CSMD1: variants seen among roughly 807,000 people sequenced by gnomAD.
The protein encoded by CSMD1 is CUB and Sushi multiple domains 1.
In CSMD1, 213 loss-of-function variants were observed where a neutral mutation model predicts 417.5. The ratio of observed to expected loss-of-function variants is 0.51; its 90% CI spans 0.46 to 0.57. The LOEUF is 0.57. Ranked by LOEUF, CSMD1 falls within the 20% of genes least tolerant of loss-of-function variation. CSMD1 has a pLI of 0.00. For missense variants in CSMD1, 6,923 were observed against 4,529.7 expected (o/e 1.53, Z -15.17); for synonymous variants, 2,862 against 1,736.8 (o/e 1.65, Z -16.11).
intron 2 of CSMD1, among the ~76,000 whole-genome samples, chr8:4,576,436 A>G (rs1471204856): frequency 6.6e-6 from 1 of 152,174 alleles, no homozygotes; most frequent in Non-Finnish European, 1.5e-5. Context: ...ATCCTCTTAC[A>G]GTTTTTCCTT....
intron 3 of CSMD1, among the ~76,000 whole-genome samples, chr8:4,401,204 G>T (rs1017370748): frequency 4.6e-5 from 7 of 152,026 alleles, no homozygotes; most frequent in Non-Finnish European, 8.8e-5. Context: ...TCTTCAAACG[G>T]TTTCTGAAAT....
chr8:4,369,432 A>G (rs559205820), intron 3 of CSMD1, among the ~76,000 whole-genome samples: 47 of 152,208 alleles, frequency 3.1e-4, no homozygotes, highest in Non-Finnish European at 4.7e-4. Flanking sequence ...TGTTGGGTGG[A>G]GTGTTTTATA....
chr8:4,955,440 C>T (rs1809030257), intron 1 of CSMD1, among the ~76,000 whole-genome samples: 1 of 148,686 alleles, frequency 6.7e-6, no homozygotes, highest in Non-Finnish European at 1.5e-5. Context: ...CTACTTCGAC[C>T]GCAACTCTCA....
intron 3 of CSMD1, among the ~76,000 whole-genome samples, chr8:4,275,097 G>A (rs547427668): frequency 7.9e-5 from 12 of 152,234 alleles, no homozygotes; most frequent in African/African-American, 2.2e-4. Context: ...AAAAACAAAT[G>A]AAAGCCCTTG....
intron 1 of CSMD1, among the ~76,000 whole-genome samples, chr8:4,812,097 G>C (rs779630403): frequency 7.8e-4 from 119 of 152,152 alleles, no homozygotes; most frequent in Non-Finnish European, 9.8e-4. Context: ...TTCCTACGCA[G>C]CTGGACAGGA....
intron 3 of CSMD1, among the ~76,000 whole-genome samples, chr8:4,036,597 A>G (rs1349656804): frequency 6.6e-6 from 1 of 152,224 alleles, no homozygotes; most frequent in Non-Finnish European, 1.5e-5. Context: ...TTAATAGGGA[A>G]AAATTAAGGC....
intron 3 of CSMD1, among the ~76,000 whole-genome samples, chr8:4,370,208 G>C (rs147286377): frequency 3.3e-5 from 5 of 152,230 alleles, no homozygotes; most frequent in East Asian, 1.9e-4. Context: ...ATGAAGGTTA[G>C]TTTGGTGAGA....
chr8:4,498,140 A>G (rs1274436484), intron 2 of CSMD1, among the ~76,000 whole-genome samples: 1 of 152,140 alleles, frequency 6.6e-6, no homozygotes, highest in Non-Finnish European at 1.5e-5. Flanking sequence ...ACTTAAAGTA[A>G]CCTAATCGGG....
chr8:3,404,591 A>G (rs1209955445), intron 15 of CSMD1, among the ~76,000 whole-genome samples: 1 of 152,208 alleles, frequency 6.6e-6, no homozygotes, highest in South Asian at 2.1e-4. Context: ...GATATTTAAC[A>G]TATATTCCTG....
At chr8:3,646,872 C>T (rs150169256) in intron 7 of CSMD1, among the ~76,000 whole-genome samples, 4 of 152,120 alleles carry the variant, frequency 2.6e-5, no homozygotes, top group Non-Finnish European at 4.4e-5. Flanking sequence ...TTGGGTCACA[C>T]GAGCCTGTTC....
At chr8:3,498,909 T>C (rs1796476532) in intron 10 of CSMD1, among the ~76,000 whole-genome samples, 1 of 152,148 alleles carries the variant, frequency 6.6e-6, no homozygotes. Flanking sequence ...TCCTACTTTT[T>C]GAATTGTCTA....
chr8:3,026,600 T>A (rs1809948820), intron 51 of CSMD1, among the ~76,000 whole-genome samples: 1 of 152,050 alleles, frequency 6.6e-6, no homozygotes, highest in Non-Finnish European at 1.5e-5. Flanking sequence ...TGGGCCTCAC[T>A]GGACCTCACT....
chr8:3,319,951 T>A (rs1206094267), intron 23 of CSMD1, among the ~76,000 whole-genome samples: 1 of 152,216 alleles, frequency 6.6e-6, no homozygotes, highest in Non-Finnish European at 1.5e-5. Context: ...GGTTAATTTA[T>A]TGTTATCACC....
At chr8:3,447,527 T>C (rs559719708) in intron 12 of CSMD1, among the ~76,000 whole-genome samples, 1 of 152,304 alleles carries the variant, frequency 6.6e-6, no homozygotes, top group African/African-American at 2.4e-5. Context: ...GTGCGGCTGG[T>C]GTGGGACAGG....
At chr8:3,659,553 C>CG (rs1210187486) in intron 7 of CSMD1, among the ~76,000 whole-genome samples, 1 of 151,962 alleles carries the variant, frequency 6.6e-6, no homozygotes, top group East Asian at 1.9e-4. Flanking sequence ...TTCTTTTTTT[C>CG]GGGGGGTTAT....
intron 1 of CSMD1, among the ~76,000 whole-genome samples, chr8:4,906,277 C>A (rs185489505): frequency 6.6e-6 from 1 of 151,748 alleles, no homozygotes; most frequent in African/African-American, 2.4e-5. Context: ...TAAATATTAA[C>A]AAAACAAATA....
At chr8:4,662,353 T>C (rs1443007774) in intron 1 of CSMD1, among the ~76,000 whole-genome samples, 1 of 152,214 alleles carries the variant, frequency 6.6e-6, no homozygotes, top group South Asian at 2.1e-4. Context: ...GGGCGATTTA[T>C]AGGAACATGC....
chr8:3,157,741 G>T (rs1198920266), intron 39 of CSMD1, among the ~76,000 whole-genome samples, 156 bp downstream of exon 39: 1 of 152,198 alleles, frequency 6.6e-6, no homozygotes, highest in South Asian at 2.1e-4. Flanking sequence ...CAGGTTAAAC[G>T]CATCATTCTG....
chr8:3,599,008 G>C (rs937959056), intron 8 of CSMD1, among the ~76,000 whole-genome samples: 1 of 152,154 alleles, frequency 6.6e-6, no homozygotes, highest in Admixed American at 6.5e-5. Context: ...GTGAATGTGG[G>C]AGGTAGGGGT....
Sources: gnomAD v4.1 joint callset for allele counts (sites outside exome capture counted in the v4.1 genomes callset) on GRCh38, gnomAD v4.1.1 for gene constraint, MANE v1.5 for transcripts, NCBI Gene and HGNC (gene_info 2026-07-23, HGNC 2026-07-21) for gene names.